The following CELF2 variants were observed in gnomAD, a reference collection of about 807,000 sequenced individuals.
CELF2 encodes CUGBP Elav-like family member 2.
Under a neutral mutation model 62.6 loss-of-function variants are expected in CELF2, and 8 were observed. The ratio of observed to expected loss-of-function variants is 0.13; its 90% CI spans 0.07 to 0.23. The LOEUF is 0.23. CELF2 is among the 10% of genes least tolerant of loss of function. The pLI is 1.00. For synonymous variants in CELF2, 258 were observed against 250.0 expected (o/e 1.03, Z -0.30); for missense variants, 333 against 671.0 (o/e 0.50, Z 5.56).
chr10:10,821,308 G>T (rs953317651), intron 1 of CELF2, among the ~76,000 whole-genome samples: 6 of 152,160 alleles, frequency 3.9e-5, no homozygotes, highest in Non-Finnish European at 5.9e-5. Context: ...TGTAGAGTTG[G>T]CCACTGAAGG....
At chr10:11,109,796 T>A (rs549366616) in intron 1 of CELF2, among the ~76,000 whole-genome samples, 13 of 152,232 alleles carry the variant, frequency 8.5e-5, no homozygotes, top group Non-Finnish European at 1.9e-4. Flanking sequence ...ATTTAACTCC[T>A]GCATGCACAT....
Position 11,270,854 on chromosome 10 carries a change from T to C in CELF2, c.777+30T>C, listed in dbSNP as rs574082356. The C allele has an allele frequency of 4.8e-5, 64 of 1,346,576 alleles. No homozygotes were observed. The highest frequency in any genetic ancestry group is 3.5e-4 in the Admixed American group (12 of 33,976). The allele number at this position is 1,346,576 out of a possible 1,614,324, so 83.4% of individuals were successfully genotyped here. A position where few individuals can be genotyped will look rare whatever the true frequency, so the allele number is the denominator to read the frequency against. ...GTGCTGGGCAATGCCGGCGTGGTCT[T>C]CACCCGCTGAAACTCTGCAAACTGA... On this transcript the variant is annotated intron_variant, in intron 7 of 12. Transcript: ENST00000633077. This position sits in a 1 kb window ranked among gnomAD's most constrained non-coding sequence, Gnocchi z 5.8.
chr10:10,485,121 A>G, the CELF2 span, among the ~76,000 whole-genome samples: 1 of 151,968 alleles, frequency 6.6e-6, no homozygotes, highest in African/African-American at 2.4e-5. Flanking sequence ...AGAAGAGTCA[A>G]CTCCTCATTC....
the CELF2 span, among the ~76,000 whole-genome samples, chr10:10,665,185 T>G: frequency 6.6e-6 from 1 of 152,080 alleles, no homozygotes; most frequent in African/African-American, 2.4e-5. Flanking sequence ...ATAAAGGAGC[T>G]GAAAAGGTCA....
chr10:10,744,466 T>C, the CELF2 span, among the ~76,000 whole-genome samples: 1 of 152,220 alleles, frequency 6.6e-6, no homozygotes, highest in Non-Finnish European at 1.5e-5. Flanking sequence ...TGACACCTAA[T>C]TATTCCCAAG....
the CELF2 span, among the ~76,000 whole-genome samples, chr10:10,746,762 T>C: frequency 2.6e-5 from 4 of 152,346 alleles, no homozygotes; most frequent in East Asian, 5.8e-4. Flanking sequence ...AAAATCATTA[T>C]GCTTTTAAAT....
In CELF2 at chr10:10,905,137, G is replaced by T. The variant is rs567444416; in HGVS notation, c.54-14827G>T. Among the ~76,000 whole-genome samples the T allele has an allele frequency of 2.7e-4, 41 of 152,314 alleles. 1 individual carries two copies. In the South Asian group the frequency reaches 7.7e-3, roughly 28 times the overall value. Reference sequence around the variant, plus strand: ...GACATGATAATGAATAACTAACAGTGTTGTCGACCTGTGGAATATGTGTGA... The same window carrying T: ...GACATGATAATGAATAACTAACAGTTTTGTCGACCTGTGGAATATGTGTGA... On this transcript the variant is annotated intron_variant, in intron 1 of 13. Transcript: ENST00000636488.
At chr10:10,679,736 T>C in the CELF2 span, among the ~76,000 whole-genome samples, 3,283 of 152,360 alleles carry the variant, frequency 0.022, 107 homozygotes, top group African/African-American at 0.074. Flanking sequence ...CTGTTACTTA[T>C]ATTACTCTTT....
At chr10:10,820,281 G>C (rs1427982040) in intron 1 of CELF2, among the ~76,000 whole-genome samples, 1 of 152,072 alleles carries the variant, frequency 6.6e-6, no homozygotes, top group Non-Finnish European at 1.5e-5. Context: ...ACTCTTTTCT[G>C]TGGGTATCCT....
the CELF2 span, among the ~76,000 whole-genome samples, chr10:10,681,479 G>A: frequency 6.6e-6 from 1 of 152,246 alleles, no homozygotes; most frequent in East Asian, 1.9e-4. Context: ...CTCACCTACT[G>A]TCCTCATAGA....
the CELF2 span, among the ~76,000 whole-genome samples, chr10:10,620,528 T>A: frequency 1.0e-3 from 155 of 151,064 alleles, no homozygotes; most frequent in African/African-American, 3.5e-3. Context: ...AAATAGTTCC[T>A]ATCTGGCCCT....
chr10:10,529,446 G>A, the CELF2 span, among the ~76,000 whole-genome samples: 1 of 152,124 alleles, frequency 6.6e-6, no homozygotes. Flanking sequence ...CAGCACTATG[G>A]GAGGCCAACG....
chr10:11,131,612 A>C (rs766072832), intron 1 of CELF2, among the ~76,000 whole-genome samples: 1 of 152,208 alleles, frequency 6.6e-6, no homozygotes, highest in Non-Finnish European at 1.5e-5. Flanking sequence ...TTTATGTGCT[A>C]CGTTAGTATG....
the CELF2 span, among the ~76,000 whole-genome samples, chr10:10,722,281 C>G: frequency 1.3e-5 from 2 of 151,990 alleles, no homozygotes; most frequent in Admixed American, 6.6e-5. Context: ...TCACAGAACT[C>G]CAGTCTGGGC....
At chr10:10,943,071 G>A (rs1162179602) in intron 2 of CELF2, among the ~76,000 whole-genome samples, 13 of 152,172 alleles carry the variant, frequency 8.5e-5, no homozygotes, top group Admixed American at 7.9e-4. Context: ...TGCACCTGCT[G>A]CCTGTTAACC....
the CELF2 span, among the ~76,000 whole-genome samples, chr10:10,743,250 G>T: frequency 4.1e-3 from 631 of 152,322 alleles, 2 homozygotes; most frequent in African/African-American, 0.014. Flanking sequence ...GTGAAATATA[G>T]CCAGTGGTCT....
At chr10:10,787,635 C>T in the CELF2 span, among the ~76,000 whole-genome samples, 1 of 152,152 alleles carries the variant, frequency 6.6e-6, no homozygotes. Context: ...GTAATTAATT[C>T]GTTTGAGCTT....
intron 1 of CELF2, among the ~76,000 whole-genome samples, chr10:11,066,200 T>C (rs977261812): frequency 6.6e-6 from 1 of 152,186 alleles, no homozygotes; most frequent in Non-Finnish European, 1.5e-5. Flanking sequence ...GCTGGCTTCA[T>C]TGTGTGCCTT....
intron 2 of CELF2, among the ~76,000 whole-genome samples, chr10:11,184,823 T>G (rs2074396554): frequency 6.6e-6 from 1 of 152,254 alleles, no homozygotes; most frequent in African/African-American, 2.4e-5. Flanking sequence ...AATGGTCGTG[T>G]CATTTGCACA....
Sources: gnomAD v4.1 joint callset for allele counts (sites outside exome capture counted in the v4.1 genomes callset) on GRCh38, gnomAD v4.1.1 for gene constraint, Gnocchi (gnomAD v3.1) non-coding constraint, MANE v1.5 for transcripts, NCBI Gene and HGNC (gene_info 2026-07-23, HGNC 2026-07-21) for gene names.